Variants in DACH2 observed in about 807,000 individuals in gnomAD.
DACH2 encodes dachshund family transcription factor 2.
Under a neutral mutation model 35.8 loss-of-function variants are expected in DACH2, and 17 were observed. That is an observed-to-expected ratio of 0.48 (90% CI 0.33 to 0.71). The LOEUF (loss-of-function observed/expected upper bound fraction) is 0.71, where lower values mean the gene tolerates loss of function less well. Among genes scored for constraint, DACH2 ranks in the 30% least tolerant of loss-of-function variants. The probability of loss-of-function intolerance (pLI) is 0.02; values close to 1 mark genes in which losing one functional copy is unlikely to be tolerated. For synonymous variants in DACH2, 195 were observed against 177.3 expected, an observed-to-expected ratio of 1.10 and a Z score of -0.79; for missense variants, 469 against 472.7, an observed-to-expected ratio of 0.99 and a Z score of 0.07.
chrX:86,515,212 G>T (rs1215239522), intron 3 of DACH2, among the ~76,000 whole-genome samples: 1 of 110,900 alleles, frequency 9.0e-6, no homozygotes, highest in Non-Finnish European at 1.9e-5. Context: ...TAGAACTGGG[G>T]AGAGTGGAAT....
In DACH2 at chrX:86,190,177, G is replaced by A. The variant is rs60528979; in HGVS notation, c.488+41069G>A. ...AGACTCCATCTAAAAAAAAAAAAAA[G>A]TAAAATAAAAACTTCATTTCTTTTG... On this transcript the variant is annotated intron_variant, in intron 1 of 11. Transcript: ENST00000373125. 8.8e-3 allele frequency among the ~76,000 whole-genome samples: 951 copies of A among 107,983 alleles called. 11 individuals are homozygous for A. Among genetic ancestry groups the A allele is most frequent in the African/African-American group, 0.031 (910 of 29,780 alleles). 93.8% of individuals were successfully genotyped at this position (107,983 alleles called of 115,157 possible).
chrX:86,410,246 C>A (rs1009073281), intron 2 of DACH2, among the ~76,000 whole-genome samples: 1 of 112,158 alleles, frequency 8.9e-6, no homozygotes, highest in Non-Finnish European at 1.9e-5. Flanking sequence ...ATCCTTTACA[C>A]TTGGATTCAT....
intron 3 of DACH2, among the ~76,000 whole-genome samples, chrX:86,603,206 G>C (rs769821405): frequency 1.8e-5 from 2 of 110,186 alleles, no homozygotes; most frequent in African/African-American, 6.6e-5. Context: ...CATATTTTCC[G>C]TTCTTTCAGG....
At chrX:86,375,759 C>G (rs184440100) in intron 1 of DACH2, among the ~76,000 whole-genome samples, 12 of 109,236 alleles carry the variant, frequency 1.1e-4, no homozygotes, top group African/African-American at 3.6e-4. Flanking sequence ...TTAGAACGCT[C>G]TCTACAGACT....
chrX:86,782,481 A>T (rs1325494387), intron 7 of DACH2, among the ~76,000 whole-genome samples: 1 of 111,441 alleles, frequency 9.0e-6, no homozygotes, highest in African/African-American at 3.3e-5. Flanking sequence ...GAACTGGTGG[A>T]ATCACATTGC....
chrX:86,681,211 A>C (rs979103171), intron 4 of DACH2, among the ~76,000 whole-genome samples: 2 of 111,881 alleles, frequency 1.8e-5, no homozygotes, highest in Non-Finnish European at 3.8e-5. Flanking sequence ...AAAAGCAGAC[A>C]ATCTTATTCC....
intron 3 of DACH2, among the ~76,000 whole-genome samples, chrX:86,556,795 T>TATATATATATATAGAGAGAG (rs1232719385): frequency 7.9e-5 from 2 of 25,307 alleles, no homozygotes; most frequent in East Asian, 1.7e-3. Context: ...TATATATATA[T>TATATATATATATAGAGAGAG]AGAGAGAGAG....
At chrX:86,758,662 G>A (rs2041851613) in intron 7 of DACH2, among the ~76,000 whole-genome samples, 1 of 111,950 alleles carries the variant, frequency 8.9e-6, no homozygotes, top group Non-Finnish European at 1.9e-5. Context: ...TCTGTCCTTT[G>A]AAATGTTTAA....
chrX:86,511,467 A>T (rs1342407118), intron 2 of DACH2, among the ~76,000 whole-genome samples: 1 of 111,684 alleles, frequency 9.0e-6, no homozygotes, highest in Non-Finnish European at 1.9e-5. Context: ...GGATCTCACA[A>T]CCATACTCAC....
At chrX:86,197,694 G>GGTTCAATTCC (rs2032030562) in intron 1 of DACH2, among the ~76,000 whole-genome samples, 1 of 111,491 alleles carries the variant, frequency 9.0e-6, no homozygotes, top group East Asian at 2.8e-4. Context: ...AATGGTGAAG[G>GGTTCAATTCC]GTTCAATTCC....
At chrX:86,478,283 C>T (rs2037879612) in intron 2 of DACH2, among the ~76,000 whole-genome samples, 1 of 111,792 alleles carries the variant, frequency 8.9e-6, no homozygotes, top group South Asian at 3.7e-4. Flanking sequence ...TCGTGCAGGA[C>T]AGGTCTGGTG....
intron 2 of DACH2, among the ~76,000 whole-genome samples, chrX:86,423,138 C>G (rs1479075912): frequency 9.0e-6 from 1 of 111,384 alleles, no homozygotes; most frequent in African/African-American, 3.3e-5. Flanking sequence ...CACAGGAGTG[C>G]AAATATCTCT....
At chrX:86,151,448 T>A (rs1316170551) in intron 1 of DACH2, among the ~76,000 whole-genome samples, 5 of 111,607 alleles carry the variant, frequency 4.5e-5, no homozygotes, top group Non-Finnish European at 9.4e-5. Context: ...TGCAATTTTA[T>A]TAATTGTAAA....
chrX:86,552,017 T>A (rs2148312464), intron 3 of DACH2, among the ~76,000 whole-genome samples: 1 of 112,071 alleles, frequency 8.9e-6, no homozygotes, highest in African/African-American at 3.2e-5. Flanking sequence ...GTTTTATCAC[T>A]ATCTAAAGTG....
At chrX:86,460,339 T>A (rs2037548160) in intron 2 of DACH2, among the ~76,000 whole-genome samples, 1 of 111,043 alleles carries the variant, frequency 9.0e-6, no homozygotes, top group South Asian at 3.7e-4. Flanking sequence ...GCATGTTATG[T>A]TTAGAATATG....
rs1389603187 is a variant in DACH2 at position 86,231,125 on chromosome X, A to G, written c.488+82017A>G. Among the ~76,000 whole-genome samples, 11 of 112,239 alleles carry G rather than the reference A, an allele frequency of 9.8e-5. No individual in the cohort carries two copies. The East Asian group carries it at 2.5e-3, about 26-fold the overall frequency. ...ACTTTTTGATGTAGGCGTTAGGGCTATGAACTTTCCTCTTAGCACTGCCTT... is the reference window on the plus strand; with the variant it reads ...ACTTTTTGATGTAGGCGTTAGGGCTGTGAACTTTCCTCTTAGCACTGCCTT... On this transcript the variant is annotated intron_variant, in intron 1 of 11. Coordinates refer to ENST00000373125, the MANE Select transcript of DACH2 (RefSeq NM_053281.3).
At chrX:86,773,840 A>T in intron 7 of DACH2, among the ~76,000 whole-genome samples, 1 of 112,015 alleles carries the variant, frequency 8.9e-6, no homozygotes, top group Admixed American at 9.5e-5. Flanking sequence ...CTTTCTGATC[A>T]TGCCCATTTA....
At chrX:86,785,388 A>T (rs1481552203) in intron 7 of DACH2, among the ~76,000 whole-genome samples, 2 of 111,960 alleles carry the variant, frequency 1.8e-5, no homozygotes, top group African/African-American at 6.5e-5. Context: ...AAGAAGCCCA[A>T]GGATTTAGCC....
At chrX:86,361,339 T>C (rs942909221) in intron 1 of DACH2, among the ~76,000 whole-genome samples, 15 of 111,565 alleles carry the variant, frequency 1.3e-4, no homozygotes, top group African/African-American at 4.9e-4. Flanking sequence ...TTTTTCAGTT[T>C]ACATATGAGC....
Sources: allele counts gnomAD v4.1 joint callset (sites outside exome capture counted in the v4.1 genomes callset), GRCh38; gene constraint gnomAD v4.1.1; transcripts MANE v1.5; gene names NCBI Gene and HGNC (gene_info 2026-07-23, HGNC 2026-07-21).